ESRRG: variants seen among roughly 807,000 people sequenced by gnomAD.
ESRRG encodes estrogen-related receptor gamma.
In ESRRG, 13 loss-of-function variants were observed where a neutral mutation model predicts 44.0. That is an observed-to-expected ratio of 0.30 (90% CI 0.19 to 0.47). The LOEUF is 0.47. ESRRG is among the 20% of genes least tolerant of loss of function. The pLI, the probability that ESRRG is intolerant of heterozygous loss-of-function variation, is 1.00. For synonymous variants in ESRRG, 215 were observed against 214.6 expected, an observed-to-expected ratio of 1.00 and a Z score of -0.02; for missense variants, 395 against 580.6, an observed-to-expected ratio of 0.68 and a Z score of 3.29.
At chr1:217,026,914 G>C (rs12066724) in intron 1 of ESRRG, among the ~76,000 whole-genome samples, 4,465 of 73,646 alleles carry the variant, frequency 0.061, 156 homozygotes, top group Admixed American at 0.18. Flanking sequence ...CACACACACA[G>C]AGAGAGAGAG....
At chr1:217,042,394 A>G (rs1423830681) in intron 1 of ESRRG, among the ~76,000 whole-genome samples, 1 of 151,962 alleles carries the variant, frequency 6.6e-6, no homozygotes, top group African/African-American at 2.4e-5. Flanking sequence ...ACTCAGGCAC[A>G]GAGTGTTGGC....
chr1:216,676,160 C>T (rs112083900), intron 2 of ESRRG, among the ~76,000 whole-genome samples: 13 of 152,180 alleles, frequency 8.5e-5, no homozygotes, highest in East Asian at 1.9e-4. Flanking sequence ...GACCTAAAAA[C>T]GTGAAATCTA....
chr1:216,876,513 A>G (rs2096355543), intron 2 of ESRRG, among the ~76,000 whole-genome samples: 1 of 152,130 alleles, frequency 6.6e-6, no homozygotes, highest in Non-Finnish European at 1.5e-5. Flanking sequence ...TGTATCTAGA[A>G]TATATATTTT....
At chr1:216,719,074 T>C (rs1442939319) in intron 1 of ESRRG, among the ~76,000 whole-genome samples, 1 of 152,018 alleles carries the variant, frequency 6.6e-6, no homozygotes, top group African/African-American at 2.4e-5. Context: ...GACAGAGAAA[T>C]ATTTTCTTTA....
chr1:216,563,332 G>A (rs1426948544), intron 5 of ESRRG, among the ~76,000 whole-genome samples: 1 of 152,098 alleles, frequency 6.6e-6, no homozygotes, highest in African/African-American at 2.4e-5. Flanking sequence ...CTGACAGTTC[G>A]TTACGACTGT....
rs199956230 is a variant in ESRRG, at chr1:216,779,117, T to TAA, written c.-13-101628_-13-101627dup. Among the ~76,000 whole-genome samples the TAA allele has an allele frequency of 0.011, 1,194 of 109,924 alleles. 76 individuals carry two copies. The East Asian group carries it at 0.11, about 10-fold the overall frequency. The allele number at this position is 109,924 out of a possible 152,430, so 72.1% of individuals were successfully genotyped here. A position where few individuals can be genotyped will look rare whatever the true frequency, so the allele number is the denominator to read the frequency against. On this transcript the variant is annotated intron_variant, in intron 2 of 7. Transcript: ENST00000359162. ...GGCTTAAACTATATATATATATATA[T>TAA]AATTATATATGTAAATATAAATATA... is the stretch of plus-strand genomic sequence containing the variant.
At chr1:216,823,515 T>C (rs1195631642) in intron 2 of ESRRG, among the ~76,000 whole-genome samples, 1 of 152,178 alleles carries the variant, frequency 6.6e-6, no homozygotes, top group Non-Finnish European at 1.5e-5. Flanking sequence ...ATAATCTTAC[T>C]TTAGTTACTG....
At chr1:216,777,331 C>T (rs1261118552) in intron 2 of ESRRG, among the ~76,000 whole-genome samples, 4 of 152,082 alleles carry the variant, frequency 2.6e-5, no homozygotes, top group African/African-American at 9.7e-5. Flanking sequence ...CTCCCATTCC[C>T]AACAGTGTCC....
rs1372792835 is a variant in ESRRG at position 216,519,159 on chromosome 1, A to G, written c.1125T>C (p.Ala375=). Residue 375 remains alanine (A), a synonymous_variant, in exon 6 of 7, where the codon GCT becomes GCC. Coordinates refer to ENST00000408911, the MANE Select transcript of ESRRG (RefSeq NM_001438.4). ...EFVTLKAIAL[A]NSDSMHIEDV... ...CTATGTCAGTATGCCAACCTGAATT[A>G]GCAAGAGCTATAGCTTTGAGGGTGA... 6.2e-7 allele frequency: 1 copy of G among 1,613,314 alleles called. No individual in the cohort carries two copies. The highest frequency in any genetic ancestry group is 8.5e-7 in the Non-Finnish European group (1 of 1,179,670).
rs139259447 is a variant in ESRRG, at chr1:217,078,127, C to T, written c.-106+11380G>A. The T allele has an allele frequency of 2.0e-5, 3 of 152,322 alleles. No individual in the cohort carries two copies. The East Asian group carries it at 5.8e-4, about 29-fold the overall frequency. The allele number at this position is 152,322 out of a possible 1,614,324, so 9.4% of individuals were successfully genotyped here. On this transcript the variant is annotated intron_variant, in intron 1 of 7. Transcript: ENST00000359162. ...CTGTACTATTGCTGCCTAAATCATACATACTTACACGTTCTGGGTTCTTCC... is the reference window on the plus strand; with the variant it reads ...CTGTACTATTGCTGCCTAAATCATATATACTTACACGTTCTGGGTTCTTCC...
At chr1:216,586,744 T>C (rs2063883991) in intron 3 of ESRRG, among the ~76,000 whole-genome samples, 1 of 44,564 alleles carries the variant, frequency 2.2e-5, no homozygotes, top group South Asian at 5.0e-4. Context: ...CCTGGCTAAT[T>C]TTTTTTGTAT....
chr1:216,539,296 C>CAT lies in ESRRG; in HGVS notation c.863-19877_863-19876dup, dbSNP rs144235155. 5.2e-3 allele frequency among the ~76,000 whole-genome samples: 784 copies of CAT among 150,346 alleles called. 4 individuals are homozygous for CAT. Among genetic ancestry groups the CAT allele is most frequent in the African/African-American group, 0.013 (539 of 41,058 alleles). ...TTATTTAGTGAATTTGAAGAATTTT[C>CAT]ATATATATATATATAAGCCTTTAGT... On this transcript the variant is annotated intron_variant, in intron 5 of 6. Transcript: ENST00000408911.
At chr1:217,030,607 G>A (rs191200729) in intron 1 of ESRRG, among the ~76,000 whole-genome samples, 61 of 152,268 alleles carry the variant, frequency 4.0e-4, no homozygotes, top group African/African-American at 1.3e-3. Flanking sequence ...CCTTCTCCCA[G>A]TTCTAAGGTC....
intron 1 of ESRRG, among the ~76,000 whole-genome samples, chr1:217,085,162 GT>G (rs761852416): frequency 1.3e-5 from 2 of 151,808 alleles, no homozygotes; most frequent in Non-Finnish European, 2.9e-5. Context: ...TTCCTTCTCT[GT>G]GTGAGAGACA....
intron 2 of ESRRG, among the ~76,000 whole-genome samples, chr1:216,851,900 T>G (rs1325257605): frequency 1.3e-5 from 2 of 151,846 alleles, no homozygotes; most frequent in Non-Finnish European, 2.9e-5. Context: ...CACACTGATA[T>G]CAACTTTACA....
At chr1:216,655,405 G>C (rs1165293574) in intron 2 of ESRRG, among the ~76,000 whole-genome samples, 1 of 152,160 alleles carries the variant, frequency 6.6e-6, no homozygotes, top group East Asian at 1.9e-4. Context: ...CAGGAATTAT[G>C]CTTAGGAAGA....
At chr1:216,655,849 A>G (rs2070365861) in intron 2 of ESRRG, among the ~76,000 whole-genome samples, 1 of 152,166 alleles carries the variant, frequency 6.6e-6, no homozygotes, top group Admixed American at 6.6e-5. Context: ...CACCCACCCA[A>G]CAAAGTCTTT....
At chr1:216,806,312 G>T (rs1239674046) in intron 2 of ESRRG, among the ~76,000 whole-genome samples, 3 of 152,138 alleles carry the variant, frequency 2.0e-5, no homozygotes, top group Non-Finnish European at 4.4e-5. Flanking sequence ...CTGGCTTTTT[G>T]ATGTAATTTC....
At chr1:216,964,885 C>T (rs2150217100) in intron 1 of ESRRG, among the ~76,000 whole-genome samples, 1 of 152,218 alleles carries the variant, frequency 6.6e-6, no homozygotes, top group South Asian at 2.1e-4. Context: ...TCTTCATAGC[C>T]TCATTATCAA....
Sources: allele counts gnomAD v4.1 joint callset (sites outside exome capture counted in the v4.1 genomes callset), GRCh38; gene constraint gnomAD v4.1.1; transcripts MANE v1.5; gene names NCBI Gene and HGNC (gene_info 2026-07-23, HGNC 2026-07-21).